The following INSR variants were observed in gnomAD, a reference collection of about 807,000 sequenced individuals.
INSR encodes insulin receptor.
Under a neutral mutation model 142.6 loss-of-function variants are expected in INSR, and 67 were observed. The ratio of observed to expected loss-of-function variants is 0.47; its 90% CI spans 0.39 to 0.58. The LOEUF (loss-of-function observed/expected upper bound fraction) is 0.58. Ranked by LOEUF, INSR falls within the 20% of genes least tolerant of loss-of-function variation. The pLI is 0.00. For synonymous variants in INSR, 756 were observed against 743.1 expected (o/e 1.02, Z -0.28); for missense variants, 1,248 against 1,833.2 (o/e 0.68, Z 5.83).
intron 11 of INSR, among the ~76,000 whole-genome samples, chr19:7,145,378 G>T (rs1214656003): frequency 6.6e-6 from 1 of 151,830 alleles, no homozygotes; most frequent in Admixed American, 6.6e-5. Context: ...ATTTTGAAAG[G>T]GATCTTTTCC....
chr19:7,184,127 A>C (rs1974351226), intron 3 of INSR, among the ~76,000 whole-genome samples, 189 bp downstream of exon 3: 1 of 150,926 alleles, frequency 6.6e-6, no homozygotes, highest in African/African-American at 2.4e-5. Context: ...TTTAGAGAAA[A>C]AGGTAGTCAA....
intron 2 of INSR, among the ~76,000 whole-genome samples, chr19:7,189,565 G>A (rs1974521267): frequency 6.6e-6 from 1 of 152,192 alleles, no homozygotes; most frequent in Non-Finnish European, 1.5e-5. Context: ...AAGAGGCATG[G>A]CTAGGTCCAA....
In INSR at chr19:7,116,068, C is replaced by G. The variant is rs539558688; in HGVS notation, c.*988G>C. 6.6e-6 allele frequency: 1 copy of G among 150,728 alleles called. No individual in the cohort carries two copies. Among genetic ancestry groups the G allele is most frequent in the African/African-American group, 2.4e-5 (1 of 40,988 alleles). The allele number at this position is 150,728 out of a possible 1,614,324, so 9.3% of individuals were successfully genotyped here. A position where few individuals can be genotyped will look rare whatever the true frequency, so the allele number is the denominator to read the frequency against. ...ATGGTACAAATATATTCTCAAAACT[C>G]TGTCATCTCAGTTCTTTTTTTTTTT... On this transcript the variant is annotated 3_prime_UTR_variant, in exon 22 of 22. Transcript: ENST00000302850.
At chr19:7,120,551 C>A (rs545788743) in intron 20 of INSR, 69 bp downstream of exon 20, 25 of 1,597,400 alleles carry the variant, frequency 1.6e-5, no homozygotes, top group Non-Finnish European at 2.1e-5. Context: ...TTCCTTCCCC[C>A]GCTCTTGGCT....
intron 1 of INSR, among the ~76,000 whole-genome samples, chr19:7,270,783 G>A (rs147262328): frequency 1.2e-4 from 18 of 151,798 alleles, no homozygotes; most frequent in African/African-American, 2.2e-4. Flanking sequence ...ACGGCTGGGC[G>A]TGGTGGCCAG....
At position 7,234,235 on chromosome 19, in the gene INSR, C is replaced by A. The variant is rs574339090; in HGVS notation, c.652+33110G>T. Among the ~76,000 whole-genome samples, 3 of 151,942 alleles carry A rather than the reference C, an allele frequency of 2.0e-5. No individual in the cohort carries two copies. The East Asian group carries it at 5.8e-4, about 30-fold the overall frequency. On this transcript the variant is annotated intron_variant, in intron 2 of 21. Transcript: ENST00000302850. Reference sequence around the variant, plus strand: ...CTATTATTTTAAATGGAAATGGGGTCTTTCTTTGTTGCCCAGGCTGGAGTG... The same window carrying A: ...CTATTATTTTAAATGGAAATGGGGTATTTCTTTGTTGCCCAGGCTGGAGTG...
At chr19:7,248,505 A>AAAAAAAAG (rs1555686588) in intron 2 of INSR, among the ~76,000 whole-genome samples, 1 of 130,386 alleles carries the variant, frequency 7.7e-6, no homozygotes. Context: ...AAAAAAAAAA[A>AAAAAAAAG]AAAGCATGAC....
At chr19:7,180,179 CAAG>C (rs1230380987) in intron 3 of INSR, among the ~76,000 whole-genome samples, 2 of 152,258 alleles carry the variant, frequency 1.3e-5, no homozygotes, top group Admixed American at 1.3e-4. Flanking sequence ...TGTTACGCAA[CAAG>C]AGCTAGCTGA....
intron 11 of INSR, among the ~76,000 whole-genome samples, chr19:7,146,636 T>C (rs1973194279): frequency 6.6e-6 from 1 of 152,194 alleles, no homozygotes. Context: ...AGTTTTTCTA[T>C]TATAGGAAAT....
At position 7,216,605 on chromosome 19, in the gene INSR, C is replaced by G. The variant is rs1488950326; in HGVS notation, c.653-31968G>C. 6.6e-6 allele frequency among the ~76,000 whole-genome samples: 1 copy of G among 152,118 alleles called. No homozygotes were observed. The highest frequency in any genetic ancestry group is 1.5e-5 in the Non-Finnish European group (1 of 68,024). ...ACAAATTGCCACGGTGTAATGGAGC[C>G]ACTGCAGGTGTCCCCAGAAGCCACA... On this transcript the variant is annotated intron_variant, in intron 2 of 21. Coordinates refer to ENST00000302850, the MANE Select transcript of INSR (RefSeq NM_000208.4). The surrounding 1 kb of genome is among the most constrained non-coding windows in gnomAD (Gnocchi z 4.2).
intron 1 of INSR, among the ~76,000 whole-genome samples, chr19:7,287,209 G>C (rs1047233793): frequency 1.4e-5 from 2 of 144,422 alleles, no homozygotes; most frequent in Non-Finnish European, 3.0e-5. Flanking sequence ...ACCCAGGCTA[G>C]AGTGCAGTGG....
chr19:7,284,716 G>C (rs1968300238), intron 1 of INSR, among the ~76,000 whole-genome samples: 1 of 152,112 alleles, frequency 6.6e-6, no homozygotes, highest in Non-Finnish European at 1.5e-5. Context: ...TTTTAGTAGA[G>C]ACAGGGTTTC....
intron 11 of INSR, among the ~76,000 whole-genome samples, chr19:7,147,747 G>A (rs1973219023): frequency 6.6e-6 from 1 of 152,080 alleles, no homozygotes; most frequent in African/African-American, 2.4e-5. Context: ...AGGCACAAAT[G>A]GGTCTCGTGA....
At chr19:7,226,164 T>C (rs1975773198) in intron 2 of INSR, among the ~76,000 whole-genome samples, 1 of 152,172 alleles carries the variant, frequency 6.6e-6, no homozygotes, top group Non-Finnish European at 1.5e-5. Flanking sequence ...TCCCAGCACT[T>C]TGGGAGGCCG....
At chr19:7,281,014 C>T (rs953782928) in intron 1 of INSR, among the ~76,000 whole-genome samples, 3 of 152,212 alleles carry the variant, frequency 2.0e-5, no homozygotes, top group African/African-American at 7.2e-5. Flanking sequence ...CTTCTGTGAA[C>T]TCTGGAATGT....
intron 1 of INSR, among the ~76,000 whole-genome samples, chr19:7,275,000 G>C (rs1968024251): frequency 6.6e-6 from 1 of 151,422 alleles, no homozygotes; most frequent in Admixed American, 6.6e-5. Context: ...GTCAGAGAGG[G>C]AGTTTCACTC....
intron 2 of INSR, among the ~76,000 whole-genome samples, chr19:7,248,243 T>A (rs577524052): frequency 4.0e-5 from 6 of 151,054 alleles, no homozygotes; most frequent in African/African-American, 1.5e-4. Context: ...CCTCCCAGGC[T>A]CAAGCAATCC....
At chr19:7,232,105 C>T (rs1465131309) in intron 2 of INSR, among the ~76,000 whole-genome samples, 1 of 152,130 alleles carries the variant, frequency 6.6e-6, no homozygotes, top group African/African-American at 2.4e-5. Context: ...CTGGAAAGGG[C>T]TGGGATGAGG....
At chr19:7,197,201 CTTTGGAATAGA>C (rs970346548) in intron 2 of INSR, among the ~76,000 whole-genome samples, 1 of 152,244 alleles carries the variant, frequency 6.6e-6, no homozygotes, top group Non-Finnish European at 1.5e-5. Flanking sequence ...GCGATGACGC[CTTTGGAATAGA>C]ACTGCGCAGC....
Sources: allele counts gnomAD v4.1 joint callset (sites outside exome capture counted in the v4.1 genomes callset), GRCh38; gene constraint gnomAD v4.1.1; non-coding constraint Gnocchi (gnomAD v3.1); transcripts MANE v1.5; gene names NCBI Gene and HGNC (gene_info 2026-07-23, HGNC 2026-07-21).